OSBPL10: variants seen among roughly 807,000 people sequenced by gnomAD.
OSBPL10 encodes the protein oxysterol binding protein like 10, also known as oxysterol-binding protein-related protein 10.
A neutral mutation model predicts 81.7 loss-of-function variants in OSBPL10; 49 were observed. The ratio of observed to expected loss-of-function variants is 0.60; its 90% CI spans 0.48 to 0.76. The LOEUF (loss-of-function observed/expected upper bound fraction) is 0.76, where lower values mean the gene tolerates loss of function less well. OSBPL10 is among the 30% of genes least tolerant of loss of function. The pLI, the probability that OSBPL10 is intolerant of heterozygous loss-of-function variation, is 0.00. For synonymous variants in OSBPL10, 419 were observed against 383.6 expected (o/e 1.09, Z -1.08); for missense variants, 923 against 987.8 (o/e 0.93, Z 0.88).
intron 1 of OSBPL10, among the ~76,000 whole-genome samples, chr3:32,068,680 C>T (rs976900322): frequency 6.6e-6 from 1 of 151,974 alleles, no homozygotes; most frequent in African/African-American, 2.4e-5. Context: ...TCATTTTTGT[C>T]GAAAAATGGG....
chr3:31,701,754 G>A (rs931068953), intron 7 of OSBPL10: 1 of 152,448 alleles, frequency 6.6e-6, no homozygotes, highest in Non-Finnish European at 1.5e-5. Flanking sequence ...TAGTGGTCAG[G>A]ACACTGGTTC....
chr3:31,956,761 G>A (rs1698021876), intron 1 of OSBPL10, among the ~76,000 whole-genome samples: 1 of 151,880 alleles, frequency 6.6e-6, no homozygotes, highest in African/African-American at 2.4e-5. Context: ...ATGGACCCTG[G>A]CCTTGCTCCC....
At chr3:31,949,833 T>C (rs1047678558) in intron 1 of OSBPL10, among the ~76,000 whole-genome samples, 20 of 151,726 alleles carry the variant, frequency 1.3e-4, no homozygotes, top group Non-Finnish European at 2.6e-4. Flanking sequence ...GAAAAGAAAA[T>C]ACTCATATTC....
chr3:31,677,712 A>G (rs895819414), intron 8 of OSBPL10, among the ~76,000 whole-genome samples: 7 of 152,158 alleles, frequency 4.6e-5, no homozygotes, highest in Non-Finnish European at 8.8e-5. Context: ...TGCCTATGAG[A>G]AACAGAGGAG....
intron 6 of OSBPL10, among the ~76,000 whole-genome samples, chr3:31,711,692 G>C (rs1420035592): frequency 6.6e-6 from 1 of 152,162 alleles, no homozygotes; most frequent in African/African-American, 2.4e-5. Context: ...CAGAGGCTGC[G>C]AGGATGGGTG....
intron 4 of OSBPL10, among the ~76,000 whole-genome samples, chr3:31,782,374 T>C (rs1351055974): frequency 3.3e-5 from 5 of 152,160 alleles, no homozygotes; most frequent in African/African-American, 1.2e-4. Context: ...GACATTAGCT[T>C]AGGCAAAGAG....
At chr3:31,869,727 A>C (rs1413713238) in intron 3 of OSBPL10, among the ~76,000 whole-genome samples, 1 of 152,150 alleles carries the variant, frequency 6.6e-6, no homozygotes, top group Admixed American at 6.5e-5. Context: ...TAGTCACTTA[A>C]CAGTTGTGTA....
At chr3:32,001,095 G>T (rs1054070101) in intron 2 of OSBPL10, among the ~76,000 whole-genome samples, 1 of 152,172 alleles carries the variant, frequency 6.6e-6, no homozygotes, top group Non-Finnish European at 1.5e-5. Flanking sequence ...GCATCTAGGG[G>T]CGCTGTTGTC....
chr3:32,030,804 A>G (rs775300534), intron 2 of OSBPL10: 68 of 559,770 alleles, frequency 1.2e-4, no homozygotes, highest in Non-Finnish European at 2.0e-4. Flanking sequence ...CTCCAACAGC[A>G]ATTCCTTATC....
At chr3:31,733,547 T>C in intron 5 of OSBPL10, 136 bp from the exon 6 acceptor site, 1 of 995,284 alleles carries the variant, frequency 1.0e-6, no homozygotes, top group East Asian at 2.5e-5. Flanking sequence ...TTGTTTTGAA[T>C]GAAGTACCAA....
intron 4 of OSBPL10, among the ~76,000 whole-genome samples, chr3:31,758,128 T>TC (rs1226134435): frequency 6.6e-6 from 1 of 152,186 alleles, no homozygotes; most frequent in African/African-American, 2.4e-5. Flanking sequence ...AAATCTGCCT[T>TC]CCCCTCACCC....
At chr3:31,912,154 G>A (rs749073298) in intron 1 of OSBPL10, among the ~76,000 whole-genome samples, 10 of 152,250 alleles carry the variant, frequency 6.6e-5, no homozygotes, top group Non-Finnish European at 1.0e-4. Context: ...CCAGAACTTT[G>A]GGGGGCCGAG....
At chr3:31,915,384 G>C (rs568883270) in intron 1 of OSBPL10, among the ~76,000 whole-genome samples, 100 of 152,098 alleles carry the variant, frequency 6.6e-4, no homozygotes, top group Middle Eastern at 3.4e-3. Context: ...ATGGTGGACT[G>C]GATATATAAA....
intron 2 of OSBPL10, among the ~76,000 whole-genome samples, chr3:32,027,645 T>C (rs1699428990): frequency 6.6e-6 from 1 of 152,228 alleles, no homozygotes; most frequent in African/African-American, 2.4e-5. Flanking sequence ...TTTTTATTTT[T>C]TATTTTAACA....
At chr3:31,783,807 AAAAAAAAAAAAAAAAAAT>A (rs1312135270) in intron 4 of OSBPL10, among the ~76,000 whole-genome samples, 2 of 72,544 alleles carry the variant, frequency 2.8e-5, no homozygotes, top group African/African-American at 1.4e-4. Flanking sequence ...AAAAAAAAAA[AAAAAAAAAAAAAAAAAAT>A]ATATATATAT....
chr3:31,912,170 C>T (rs1220672719), intron 1 of OSBPL10, among the ~76,000 whole-genome samples: 3 of 151,760 alleles, frequency 2.0e-5, no homozygotes, highest in Non-Finnish European at 4.4e-5. Context: ...CCGAGGCAGG[C>T]AGATCATGAG....
intron 5 of OSBPL10, among the ~76,000 whole-genome samples, chr3:31,737,170 G>A (rs1575510669): frequency 1.3e-5 from 2 of 152,226 alleles, no homozygotes; most frequent in Admixed American, 6.5e-5. Context: ...TATGAATTCC[G>A]AATATCAAAG....
intron 5 of OSBPL10, among the ~76,000 whole-genome samples, chr3:31,743,296 CCCAAA>C (rs1400198768): frequency 1.3e-5 from 2 of 152,108 alleles, no homozygotes; most frequent in Non-Finnish European, 2.9e-5. Context: ...GGCCCGGCCT[CCCAAA>C]GTGCTGAGAT....
intron 5 of OSBPL10, among the ~76,000 whole-genome samples, chr3:31,745,240 T>G (rs1389840032): frequency 6.6e-6 from 1 of 152,244 alleles, no homozygotes; most frequent in East Asian, 1.9e-4. Flanking sequence ...TACTCGTTAA[T>G]TTACTGATTT....
Sources: gnomAD v4.1 joint callset for allele counts (sites outside exome capture counted in the v4.1 genomes callset) on GRCh38, gnomAD v4.1.1 for gene constraint, MANE v1.5 for transcripts, NCBI Gene and HGNC (gene_info 2026-07-23, HGNC 2026-07-21) for gene names.